The following ADGB variants were observed in gnomAD, a reference collection of about 807,000 sequenced individuals.
ADGB encodes the protein calpain-7-like protein.
ADGB carries 172 observed loss-of-function variants against 210.5 expected under a neutral mutation model. That is an observed-to-expected ratio of 0.82 (90% confidence interval 0.72 to 0.93). The LOEUF (loss-of-function observed/expected upper bound fraction) is 0.93. Among genes scored for constraint, ADGB ranks in the 40% least tolerant of loss-of-function variants. The probability of loss-of-function intolerance (pLI) is 0.00; values close to 1 mark genes in which losing one functional copy is unlikely to be tolerated. For synonymous variants in ADGB, 658 were observed against 662.7 expected (o/e 0.99, Z 0.11); for missense variants, 2,025 against 1,964.8 (o/e 1.03, Z -0.58).
Position 146,687,653 on chromosome 6 carries a change from G to A in ADGB, c.1311+1825G>A, listed in dbSNP as rs560673001. 3.9e-5 allele frequency among the ~76,000 whole-genome samples: 6 copies of A among 152,132 alleles called. 1 individual carries two copies. In the East Asian group the frequency reaches 1.2e-3, roughly 30 times the overall value. ...ACAACAGGGCCTGTTGTGGGATGGG[G>A]TTGAGGGGAGGGAACTTAGAGAATG... On this transcript the variant is annotated intron_variant, in intron 10 of 35. Coordinates refer to ENST00000397944, the MANE Select transcript of ADGB (RefSeq NM_024694.4).
At chr6:146,699,754 G>C (rs1168653415) in intron 12 of ADGB, among the ~76,000 whole-genome samples, 1 of 152,000 alleles carries the variant, frequency 6.6e-6, no homozygotes, top group African/African-American at 2.4e-5. Context: ...GAGATTTGTG[G>C]GTTGTAAGAA....
At chr6:146,773,641 A>G (rs961567330) in intron 29 of ADGB, among the ~76,000 whole-genome samples, 1 of 152,216 alleles carries the variant, frequency 6.6e-6, no homozygotes, top group African/African-American at 2.4e-5. Flanking sequence ...AATGAGCCTT[A>G]GATGCTATGA....
chr6:146,620,037 T>G (rs924781438), intron 1 of ADGB, among the ~76,000 whole-genome samples: 1 of 152,158 alleles, frequency 6.6e-6, no homozygotes, highest in African/African-American at 2.4e-5. Context: ...AAGATTGCTT[T>G]GCTGGGTATA....
chr6:146,709,978 G>A (rs1054798961), intron 13 of ADGB, among the ~76,000 whole-genome samples: 3 of 151,872 alleles, frequency 2.0e-5, no homozygotes, highest in Non-Finnish European at 2.9e-5. Flanking sequence ...GGAAAGTCTT[G>A]TTCTTCCATA....
chr6:146,692,013 A>AT (rs1181211523), intron 11 of ADGB, among the ~76,000 whole-genome samples: 1 of 152,048 alleles, frequency 6.6e-6, no homozygotes, highest in Non-Finnish European at 1.5e-5. Flanking sequence ...CTTGAAAGGA[A>AT]AACAAAATCC....
At chr6:146,720,904 A>G (rs1234114248) in intron 16 of ADGB, among the ~76,000 whole-genome samples, 1 of 152,206 alleles carries the variant, frequency 6.6e-6, no homozygotes, top group Non-Finnish European at 1.5e-5. Flanking sequence ...GTGGAAACAC[A>G]GAGCCAAACC....
intron 31 of ADGB, 128 bp downstream of exon 31, chr6:146,784,922 A>T: frequency 2.1e-6 from 2 of 953,102 alleles, no homozygotes; most frequent in South Asian, 3.8e-5. Flanking sequence ...TTTATCAGAC[A>T]GGCATTGAAT....
At chr6:146,654,439 ACCTC>A (rs35060650) in intron 4 of ADGB, among the ~76,000 whole-genome samples, 48,729 of 151,110 alleles carry the variant, frequency 0.32, 7,920 homozygotes, top group Admixed American at 0.37. Context: ...TGCAGTCTCA[ACCTC>A]CCGGGCTAAA....
chr6:146,603,545 T>C (rs1780590350), intron 1 of ADGB, among the ~76,000 whole-genome samples: 1 of 152,164 alleles, frequency 6.6e-6, no homozygotes, highest in Admixed American at 6.5e-5. Flanking sequence ...CAAACCAAGA[T>C]TGAAAAACAG....
chr6:146,792,296 C>T (rs940706171), intron 33 of ADGB, among the ~76,000 whole-genome samples: 2 of 152,062 alleles, frequency 1.3e-5, no homozygotes, highest in Non-Finnish European at 1.5e-5. Context: ...GTATTGAATT[C>T]GTGGATTGCT....
At chr6:146,685,646 A>C (rs1170868083) in intron 9 of ADGB, 88 bp from the exon 10 acceptor site, 1 of 606,306 alleles carries the variant, frequency 1.6e-6, no homozygotes, top group East Asian at 3.4e-5. Flanking sequence ...AGATAAATTC[A>C]TTAAGGCAAT....
chr6:146,790,440 C>T (rs950137497), intron 33 of ADGB, among the ~76,000 whole-genome samples: 4 of 152,054 alleles, frequency 2.6e-5, no homozygotes, highest in Admixed American at 6.6e-5. Flanking sequence ...GAGATCATGC[C>T]GCATTTGTCT....
At chr6:146,731,003 A>ACTT (rs1776974985) in intron 20 of ADGB, among the ~76,000 whole-genome samples, 1 of 152,158 alleles carries the variant, frequency 6.6e-6, no homozygotes, top group Non-Finnish European at 1.5e-5. Flanking sequence ...GAGAGAGATA[A>ACTT]CTTATCATTA....
intron 1 of ADGB, among the ~76,000 whole-genome samples, chr6:146,615,925 A>G (rs1780792723): frequency 6.6e-6 from 1 of 152,210 alleles, no homozygotes; most frequent in Admixed American, 6.5e-5. Context: ...TTGGATATAT[A>G]TCCATTAGTG....
intron 34 of ADGB, 71 bp from the exon 35 acceptor site, chr6:146,801,757 G>A (rs1264974467): frequency 5.5e-6 from 7 of 1,281,772 alleles, no homozygotes; most frequent in Non-Finnish European, 7.4e-6. Context: ...AAAATTATTT[G>A]ATGTCTAAAG....
Position 146,733,920 on chromosome 6 carries a change from T to C in ADGB, c.2684T>C (p.Met895Thr), listed in dbSNP as rs1777040335. 1 of 1,551,494 alleles carries C rather than the reference T, an allele frequency of 6.4e-7. No homozygotes were observed. Among genetic ancestry groups the C allele is most frequent in the African/African-American group, 1.4e-5 (1 of 73,022 alleles). ...LVEWLDVKYCMPTSDKEYSAE... is the reference protein window; with the variant it reads ...LVEWLDVKYCTPTSDKEYSAE... The stretch of plus-strand genomic sequence containing the variant: ...GAATGGCTGGACGTTAAATATTGTA[T>C]GCCCACAAGTGATAAAGAGTATTCT... The change falls in exon 22 of 36, where the codon ATG becomes ACG. Residue 895 changes from methionine to threonine, a missense_variant. Physicochemically the swap from Met to Thr is moderately conservative, Grantham distance 81. Transcript: ENST00000397944.
chr6:146,676,933 G>T (rs556884816), intron 9 of ADGB, among the ~76,000 whole-genome samples: 1 of 152,086 alleles, frequency 6.6e-6, no homozygotes, highest in African/African-American at 2.4e-5. Context: ...ACACTTTTTT[G>T]TGTATCGCAT....
At chr6:146,608,655 T>G (rs1340153849) in intron 1 of ADGB, among the ~76,000 whole-genome samples, 1 of 152,232 alleles carries the variant, frequency 6.6e-6, no homozygotes, top group Non-Finnish European at 1.5e-5. Context: ...CAGGAGCATG[T>G]TGTTTAATTT....
At chr6:146,672,498 G>T (rs1229207255) in intron 8 of ADGB, 31 bp downstream of exon 8, 1 of 1,503,666 alleles carries the variant, frequency 6.7e-7, no homozygotes, top group East Asian at 2.5e-5. Flanking sequence ...ATGTGATTCA[G>T]TATGGACATT....
Sources: gnomAD v4.1 joint callset for allele counts (sites outside exome capture counted in the v4.1 genomes callset) on GRCh38, gnomAD v4.1.1 for gene constraint, MANE v1.5 for transcripts, NCBI Gene and HGNC (gene_info 2026-07-23, HGNC 2026-07-21) for gene names.